The following ABCC1 variants were observed in gnomAD, a reference collection of about 807,000 sequenced individuals.
The protein encoded by ABCC1 is ATP binding cassette subfamily C member 1 (ABCC1 blood group), also known as multidrug resistance-associated protein 1.
ABCC1 carries 83 observed loss-of-function variants against 172.9 expected under a neutral mutation model. That is an observed-to-expected ratio of 0.48 (90% CI 0.40 to 0.58). The LOEUF (loss-of-function observed/expected upper bound fraction) is 0.58. Among genes scored for constraint, ABCC1 ranks in the 20% least tolerant of loss-of-function variants. The pLI, the probability that ABCC1 is intolerant of heterozygous loss-of-function variation, is 0.00. For missense variants in ABCC1, 1,817 were observed against 2,002.7 expected, an observed-to-expected ratio of 0.91 and a Z score of 1.77; for synonymous variants, 937 against 825.2, an observed-to-expected ratio of 1.14 and a Z score of -2.32.
At chr16:16,134,942 TTCA>T (rs1314623431) in intron 28 of ABCC1, among the ~76,000 whole-genome samples, 1 of 152,120 alleles carries the variant, frequency 6.6e-6, no homozygotes, top group African/African-American at 2.4e-5. Context: ...GTGGCTGGCC[TTCA>T]TTGTTTTTAT....
At chr16:16,040,161 T>A (rs2048921894) in intron 7 of ABCC1, among the ~76,000 whole-genome samples, 1 of 152,058 alleles carries the variant, frequency 6.6e-6, no homozygotes, top group Admixed American at 6.6e-5. Context: ...AGTGGCATGA[T>A]AACAGCTCAT....
At chr16:15,994,401 A>G (rs1351569861) in intron 1 of ABCC1, among the ~76,000 whole-genome samples, 1 of 152,170 alleles carries the variant, frequency 6.6e-6, no homozygotes, top group East Asian at 1.9e-4. Flanking sequence ...TTGCCAGGAA[A>G]GGGGAGAGTT....
intron 12 of ABCC1, among the ~76,000 whole-genome samples, chr16:16,063,923 T>C (rs959868309): frequency 6.6e-6 from 1 of 152,118 alleles, no homozygotes; most frequent in Non-Finnish European, 1.5e-5. Flanking sequence ...GATAGGATGC[T>C]TGGGTCAGCC....
At chr16:15,970,997 G>A (rs1372607162) in intron 1 of ABCC1, among the ~76,000 whole-genome samples, 4 of 152,168 alleles carry the variant, frequency 2.6e-5, no homozygotes, top group African/African-American at 9.7e-5. Flanking sequence ...TGTGACTTTG[G>A]TAAGAGTTTG....
chr16:16,115,903 C>CT (rs1018179679), intron 23 of ABCC1, among the ~76,000 whole-genome samples: 30 of 143,668 alleles, frequency 2.1e-4, no homozygotes, highest in South Asian at 4.4e-4. Context: ...TTCTTTCTTT[C>CT]TTTTTTTTTT....
chr16:15,985,392 C>A (rs531346520), intron 1 of ABCC1, among the ~76,000 whole-genome samples: 5 of 152,250 alleles, frequency 3.3e-5, no homozygotes, highest in African/African-American at 9.6e-5. Flanking sequence ...TGCCTTGATA[C>A]ACTTGTTTCC....
intron 26 of ABCC1, among the ~76,000 whole-genome samples, chr16:16,128,285 C>G (rs983463386): frequency 6.6e-6 from 1 of 152,008 alleles, no homozygotes; most frequent in Non-Finnish European, 1.5e-5. Flanking sequence ...TCAAGCGATT[C>G]CCAGCCTCCT....
intron 5 of ABCC1, among the ~76,000 whole-genome samples, chr16:16,031,163 T>C (rs1411471319): frequency 6.6e-6 from 1 of 152,178 alleles, no homozygotes; most frequent in Non-Finnish European, 1.5e-5. Context: ...TACAGTATTT[T>C]TTAAAAAGCA....
intron 21 of ABCC1, among the ~76,000 whole-genome samples, chr16:16,107,871 G>A (rs1281985241): frequency 6.6e-6 from 1 of 151,052 alleles, no homozygotes; most frequent in African/African-American, 2.4e-5. Flanking sequence ...TAAAAAATAA[G>A]CATGCAGATA....
intron 4 of ABCC1, among the ~76,000 whole-genome samples, chr16:16,016,054 A>C (rs994378226): frequency 6.6e-6 from 1 of 150,950 alleles, no homozygotes; most frequent in East Asian, 2.0e-4. Flanking sequence ...GCTTTCTGCC[A>C]TTACATCCCG....
intron 17 of ABCC1, among the ~76,000 whole-genome samples, chr16:16,085,367 A>G (rs1315582766): frequency 6.6e-6 from 1 of 152,256 alleles, no homozygotes; most frequent in Non-Finnish European, 1.5e-5. Context: ...TGGAAGACCA[A>G]GAGTGCAAAG....
chr16:15,982,849 C>T (rs1172592992), intron 1 of ABCC1, among the ~76,000 whole-genome samples: 1 of 136,550 alleles, frequency 7.3e-6, no homozygotes, highest in Non-Finnish European at 1.6e-5. Context: ...AGCCTGTGTG[C>T]TGTACAAAAG....
At chr16:16,016,387 C>G (rs185005) in intron 4 of ABCC1, 109 bp from the exon 5 acceptor site, 1,104,645 of 1,363,122 alleles carry the variant, frequency 0.81, 450,557 homozygotes, top group Non-Finnish European at 0.84. Context: ...CTCTTGACCT[C>G]AGGTGTTCTG....
intron 13 of ABCC1, among the ~76,000 whole-genome samples, chr16:16,070,060 C>T (rs779179696): frequency 6.6e-6 from 1 of 151,332 alleles, no homozygotes; most frequent in Admixed American, 6.6e-5. Context: ...CAACATGAAC[C>T]CCGTGTACAC....
At chr16:16,069,966 G>A (rs1302631467) in intron 13 of ABCC1, among the ~76,000 whole-genome samples, 2 of 152,184 alleles carry the variant, frequency 1.3e-5, no homozygotes, top group African/African-American at 2.4e-5. Flanking sequence ...GGAGGTTGCC[G>A]AGGTTGCAGT....
intron 19 of ABCC1, among the ~76,000 whole-genome samples, chr16:16,095,670 T>C (rs2152036730): frequency 6.6e-6 from 1 of 152,290 alleles, no homozygotes; most frequent in South Asian, 2.1e-4. Flanking sequence ...ATTTTTCTCT[T>C]TTAAAAAATT....
At chr16:16,137,389 G>T (rs943184331) in intron 29 of ABCC1, among the ~76,000 whole-genome samples, 1 of 152,024 alleles carries the variant, frequency 6.6e-6, no homozygotes, top group Non-Finnish European at 1.5e-5. Context: ...GATGGCAGGG[G>T]CACAAGAGCG....
intron 12 of ABCC1, among the ~76,000 whole-genome samples, chr16:16,061,165 TC>T (rs2049892930): frequency 6.6e-6 from 1 of 152,180 alleles, no homozygotes; most frequent in African/African-American, 2.4e-5. Flanking sequence ...CCTCTAGTGG[TC>T]CACCCACCTC....
chr16:15,991,582 T>G (rs1390290015), intron 1 of ABCC1, among the ~76,000 whole-genome samples: 1 of 151,860 alleles, frequency 6.6e-6, no homozygotes, highest in African/African-American at 2.4e-5. Context: ...TCAACATTCA[T>G]TAGGTGGATC....
Sources: gnomAD v4.1 joint callset for allele counts (sites outside exome capture counted in the v4.1 genomes callset) on GRCh38, gnomAD v4.1.1 for gene constraint, MANE v1.5 for transcripts, NCBI Gene and HGNC (gene_info 2026-07-23, HGNC 2026-07-21) for gene names.